The following DIP2C variants were observed in gnomAD, a reference collection of about 807,000 sequenced individuals.
DIP2C encodes the protein disco-interacting protein 2 homolog C.
A neutral mutation model predicts 192.4 loss-of-function variants in DIP2C; 33 were observed. The ratio of observed to expected loss-of-function variants is 0.17; its 90% CI spans 0.13 to 0.23. DIP2C has a LOEUF of 0.23. DIP2C is among the 10% of genes least tolerant of loss of function. The pLI, the probability that DIP2C is intolerant of heterozygous loss-of-function variation, is 1.00. For synonymous variants in DIP2C, 979 were observed against 864.1 expected, an observed-to-expected ratio of 1.13 and a Z score of -2.33; for missense variants, 1,537 against 2,110.1, an observed-to-expected ratio of 0.73 and a Z score of 5.32.
At chr10:554,067 T>G (rs926100419) in intron 1 of DIP2C, among the ~76,000 whole-genome samples, 1 of 151,700 alleles carries the variant, frequency 6.6e-6, no homozygotes, top group Non-Finnish European at 1.5e-5. Flanking sequence ...GCAAGAAATA[T>G]ACATCATAGG....
chr10:512,304 A>T (rs527329455), intron 1 of DIP2C, among the ~76,000 whole-genome samples: 1 of 152,314 alleles, frequency 6.6e-6, no homozygotes, highest in South Asian at 2.1e-4. Flanking sequence ...CACACCTGTA[A>T]TCCCAGCAGT....
intron 1 of DIP2C, among the ~76,000 whole-genome samples, chr10:490,530 G>A (rs1844356057): frequency 1.3e-5 from 2 of 152,208 alleles, no homozygotes; most frequent in Admixed American, 1.3e-4. Flanking sequence ...CCTCCGGGAG[G>A]CTGGGTCTAA....
chr10:521,255 A>G (rs1005998929), intron 1 of DIP2C, among the ~76,000 whole-genome samples: 11 of 152,070 alleles, frequency 7.2e-5, no homozygotes, highest in Non-Finnish European at 1.3e-4. Flanking sequence ...CAAGCAGCAA[A>G]CAAAGGAACA....
At chr10:479,029 C>T (rs1167873581) in intron 2 of DIP2C, among the ~76,000 whole-genome samples, 1 of 152,174 alleles carries the variant, frequency 6.6e-6, no homozygotes. Context: ...GAAGCCTGCT[C>T]TGGGCCCTTA....
Position 407,733 on chromosome 10 carries a change from C to T in DIP2C, c.1149+1193G>A, listed in dbSNP as rs563443640. Among the ~76,000 whole-genome samples the T allele has an allele frequency of 5.9e-5, 9 of 152,228 alleles. No individual in the cohort carries two copies. In the South Asian group the frequency reaches 1.0e-3, roughly 18 times the overall value. On this transcript the variant is annotated intron_variant, in intron 9 of 36. Transcript: ENST00000280886. ...GGCCACTGCTAAATCTTTGGAGAAA[C>T]GTTTACTCAAGTCTCTGGCCCATTT... is the stretch of plus-strand genomic sequence containing the variant.
rs1236176831 is a variant in DIP2C, at chr10:363,081, G to A, written c.2592+116C>T. The A allele has an allele frequency of 4.8e-6, 4 of 826,804 alleles. No homozygotes were observed. In the African/African-American group the frequency reaches 5.1e-5, roughly 11 times the overall value. 51.2% of individuals were successfully genotyped at this position (826,804 alleles called of 1,614,324 possible). ...GTAGTTCCTGATCAAATGAAGGGAA[G>A]GGAAAAAGGGCCACCCCATGGGCAA... On this transcript the variant is annotated intron_variant, in intron 21 of 36. Coordinates refer to ENST00000280886, the MANE Select transcript of DIP2C (RefSeq NM_014974.3). The surrounding 1 kb of genome is among the most constrained non-coding windows in gnomAD (Gnocchi z 5.4).
intron 1 of DIP2C, among the ~76,000 whole-genome samples, chr10:549,071 G>T (rs1297451630): frequency 6.6e-6 from 1 of 152,090 alleles, no homozygotes; most frequent in Non-Finnish European, 1.5e-5. Flanking sequence ...AGGCAAAACC[G>T]ATCCACTTTA....
chr10:547,464 A>C (rs546177632), intron 1 of DIP2C, among the ~76,000 whole-genome samples: 2 of 152,114 alleles, frequency 1.3e-5, no homozygotes, highest in Non-Finnish European at 2.9e-5. Context: ...TTGACAGCGA[A>C]GTACCCAGCA....
chr10:522,976 G>A (rs1408842207), intron 1 of DIP2C, among the ~76,000 whole-genome samples: 1 of 151,600 alleles, frequency 6.6e-6, no homozygotes, highest in Non-Finnish European at 1.5e-5. Context: ...CTGACACTAA[G>A]GACGCTGGAG....
At chr10:442,357 TTCTC>T (rs1002085606) in intron 3 of DIP2C, among the ~76,000 whole-genome samples, 22 of 151,976 alleles carry the variant, frequency 1.4e-4, no homozygotes, top group Admixed American at 2.6e-4. Flanking sequence ...TTGTGCGTAC[TTCTC>T]TCTCTAACTA....
At chr10:467,282 CG>C (rs2133411235) in intron 3 of DIP2C, among the ~76,000 whole-genome samples, 3 of 150,394 alleles carry the variant, frequency 2.0e-5, no homozygotes, top group African/African-American at 7.3e-5. Flanking sequence ...ATCGCAAAAA[CG>C]AAAAACCAAA....
intron 1 of DIP2C, among the ~76,000 whole-genome samples, chr10:624,365 G>A (rs546375138): frequency 7.2e-4 from 109 of 152,312 alleles, no homozygotes; most frequent in African/African-American, 2.5e-3. Flanking sequence ...CCCACAGACA[G>A]CATCAAAAAT....
chr10:531,573 C>A (rs1315753195), intron 1 of DIP2C, among the ~76,000 whole-genome samples: 1 of 152,192 alleles, frequency 6.6e-6, no homozygotes, highest in African/African-American at 2.4e-5. Context: ...ACGGAAGCGT[C>A]TATCGCCCTA....
At chr10:368,463 A>C (rs961645290) in intron 18 of DIP2C, among the ~76,000 whole-genome samples, 7 of 152,234 alleles carry the variant, frequency 4.6e-5, no homozygotes, top group African/African-American at 1.4e-4. Flanking sequence ...CTGCAGGCAG[A>C]GGCAGAGCTG....
At chr10:609,213 C>T (rs533286864) in intron 1 of DIP2C, among the ~76,000 whole-genome samples, 3 of 151,804 alleles carry the variant, frequency 2.0e-5, no homozygotes, top group Non-Finnish European at 4.4e-5. Flanking sequence ...ATTCAACCAC[C>T]AATACCTCTG....
chr10:330,492 G>A (rs1267009853), intron 29 of DIP2C, among the ~76,000 whole-genome samples: 3 of 151,964 alleles, frequency 2.0e-5, no homozygotes, highest in South Asian at 2.1e-4. Flanking sequence ...GATAAATCAC[G>A]TTCTAAGATT....
At chr10:292,286 T>A (rs1277025821) in intron 32 of DIP2C, among the ~76,000 whole-genome samples, 3 of 152,262 alleles carry the variant, frequency 2.0e-5, no homozygotes, top group Admixed American at 1.3e-4. Context: ...ACAGTGCACC[T>A]ACTTTCACAT....
chr10:511,159 A>C (rs901445923), intron 1 of DIP2C, among the ~76,000 whole-genome samples: 12 of 152,190 alleles, frequency 7.9e-5, no homozygotes, highest in African/African-American at 2.2e-4. Context: ...ATTCACGCTG[A>C]ACACACTGTC....
At chr10:410,774 TAG>T (rs555319146) in intron 8 of DIP2C, among the ~76,000 whole-genome samples, 140 of 152,332 alleles carry the variant, frequency 9.2e-4, no homozygotes, top group African/African-American at 3.3e-3. Flanking sequence ...TAGTTAACAA[TAG>T]AGAGTTTGAT....
Sources: gnomAD v4.1 joint callset for allele counts (sites outside exome capture counted in the v4.1 genomes callset) on GRCh38, gnomAD v4.1.1 for gene constraint, Gnocchi (gnomAD v3.1) non-coding constraint, MANE v1.5 for transcripts, NCBI Gene and HGNC (gene_info 2026-07-23, HGNC 2026-07-21) for gene names.